Variants in TNRC6C observed in about 807,000 individuals in gnomAD.
The protein encoded by TNRC6C is trinucleotide repeat containing adaptor 6C.
TNRC6C carries 20 observed loss-of-function variants against 153.7 expected under a neutral mutation model. The observed-to-expected ratio is 0.13, with a 90% confidence interval of 0.09 to 0.19. The LOEUF (loss-of-function observed/expected upper bound fraction) is 0.19, where lower values mean the gene tolerates loss of function less well. Ranked by LOEUF, TNRC6C falls within the 10% of genes least tolerant of loss-of-function variation. The pLI is 1.00. For missense variants in TNRC6C, 1,987 were observed against 2,172.0 expected (o/e 0.91, Z 1.69); for synonymous variants, 811 against 841.4 (o/e 0.96, Z 0.63).
chr17:78,047,895 G>C (rs2072441556), intron 2 of TNRC6C, among the ~76,000 whole-genome samples: 1 of 152,084 alleles, frequency 6.6e-6, no homozygotes, highest in Non-Finnish European at 1.5e-5. Flanking sequence ...CTGCAATGTT[G>C]GAAATACTCA....
At position 78,079,279 on chromosome 17, in the gene TNRC6C, TG is replaced by T. The variant is rs2144392693; in HGVS notation, c.3211-114del. 6.9e-7 allele frequency: 1 copy of T among 1,446,940 alleles called. No homozygotes were observed. 89.6% of individuals were successfully genotyped at this position (1,446,940 alleles called of 1,614,324 possible). On this transcript the variant is annotated intron_variant, in intron 9 of 19. Coordinates refer to ENST00000301624, the Ensembl canonical transcript of TNRC6C. The surrounding 1 kb of genome is among the most constrained non-coding windows in gnomAD (Gnocchi z 4.3). ...AATTCTCTTGGGTACAAGTTGACAG[TG>T]GTAGGAAGTAGAAACAATTTTGCAT...
chr17:77,976,954 A>G (rs975535428), intron 1 of TNRC6C, among the ~76,000 whole-genome samples: 3 of 147,878 alleles, frequency 2.0e-5, no homozygotes, highest in Non-Finnish European at 4.5e-5. Context: ...AAAAAAAAAA[A>G]AAAAAACTTG....
intron 1 of TNRC6C, among the ~76,000 whole-genome samples, chr17:77,965,047 C>T (rs912930860): frequency 1.3e-5 from 2 of 152,190 alleles, no homozygotes; most frequent in African/African-American, 4.8e-5. Flanking sequence ...TAAAACTAAT[C>T]TGAGCATTTA....
intron 3 of TNRC6C, among the ~76,000 whole-genome samples, chr17:78,055,743 G>A (rs1260561416): frequency 6.6e-6 from 1 of 152,120 alleles, no homozygotes; most frequent in East Asian, 1.9e-4. Flanking sequence ...AATAAATGTG[G>A]TCTGGCCATG....
At chr17:77,989,349 G>A (rs773600164) in intron 1 of TNRC6C, among the ~76,000 whole-genome samples, 22 of 152,268 alleles carry the variant, frequency 1.4e-4, no homozygotes, top group Non-Finnish European at 2.8e-4. Context: ...ATTTACTTAA[G>A]CTTAGAACCT....
chr17:78,082,943 C>T, intron 10 of TNRC6C, 104 bp from the exon 13 acceptor site: 1 of 1,401,962 alleles, frequency 7.1e-7, no homozygotes, highest in South Asian at 1.3e-5. Context: ...GGGGGTCTCC[C>T]TACAAATTAT....
chr17:78,015,039 A>T (rs1028961315), intron 1 of TNRC6C, among the ~76,000 whole-genome samples: 1 of 152,224 alleles, frequency 6.6e-6, no homozygotes, highest in Admixed American at 6.5e-5. Flanking sequence ...ACAAGAGAAT[A>T]GTTCTCTTAC....
chr17:78,070,867 G>T (rs1026908348), intron 5 of TNRC6C, among the ~76,000 whole-genome samples: 1 of 152,116 alleles, frequency 6.6e-6, no homozygotes, highest in African/African-American at 2.4e-5. Flanking sequence ...TTCATAAATT[G>T]CACATATATA....
At chr17:78,008,624 C>T (rs1393003645) in intron 1 of TNRC6C, 3 of 152,176 alleles carry the variant, frequency 2.0e-5, no homozygotes, top group Non-Finnish European at 4.4e-5. Flanking sequence ...TGACATCCTG[C>T]ACTCCTAAGG....
chr17:77,975,503 T>C (rs2070986192), intron 1 of TNRC6C, among the ~76,000 whole-genome samples: 1 of 152,188 alleles, frequency 6.6e-6, no homozygotes. Flanking sequence ...AGACCTCCCT[T>C]ATAATTTTGC....
In TNRC6C at chr17:78,049,553, C is replaced by T. The variant is rs549370238; in HGVS notation, c.491C>T (p.Thr164Met). The T allele has an allele frequency of 1.2e-5, 19 of 1,614,002 alleles. No homozygotes were observed. Among genetic ancestry groups the T allele is most frequent in the Admixed American group, 3.3e-5 (2 of 60,028 alleles). The change falls in exon 3 of 20, where the codon ACG becomes ATG. Residue 164 changes from threonine (T) to methionine (M), a missense_variant. Around this residue, in one of 4 missense-constraint regions of TNRC6C, gnomAD observed 1,052 missense variants for 1,017.0 expected, o/e 1.03. Coordinates refer to ENST00000301624, the Ensembl canonical transcript of TNRC6C. This position sits in a 1 kb window ranked among gnomAD's most constrained non-coding sequence, Gnocchi z 4.1. ...CCACAAGAGAGCACAGAACCACAAA[C>T]GTCCACTTCTCAGAATGTGTCTTTC...
intron 2 of TNRC6C, among the ~76,000 whole-genome samples, chr17:78,037,656 C>T (rs932278913): frequency 1.3e-5 from 2 of 152,034 alleles, no homozygotes; most frequent in East Asian, 1.9e-4. Flanking sequence ...CTCATTGTGG[C>T]GGGGGGCAGT....
At chr17:78,062,680 A>G (rs896010592) in intron 3 of TNRC6C, among the ~76,000 whole-genome samples, 1 of 152,242 alleles carries the variant, frequency 6.6e-6, no homozygotes, top group African/African-American at 2.4e-5. Flanking sequence ...AAATTGACCT[A>G]TGCAATATAA....
Position 78,075,356 on chromosome 17 carries a change from G to C in TNRC6C, c.3060+78G>C. ...CATTTCAACTGTGTCCTTAATACAA[G>C]CCAGATTAAAAACTTGCTGGACTAT... On this transcript the variant is annotated intron_variant, in intron 8 of 19. Coordinates refer to ENST00000301624, the Ensembl canonical transcript of TNRC6C. The surrounding 1 kb of genome is among the most constrained non-coding windows in gnomAD (Gnocchi z 4.2). 1 of 1,485,328 alleles carries C rather than the reference G, an allele frequency of 6.7e-7. No individual in the cohort carries two copies. The highest frequency in any genetic ancestry group is 9.0e-7 in the Non-Finnish European group (1 of 1,107,348). 92.0% of individuals were successfully genotyped at this position (1,485,328 alleles called of 1,614,324 possible).
At chr17:78,074,529 A>G (rs1191932254) in intron 7 of TNRC6C, among the ~76,000 whole-genome samples, 8 of 152,230 alleles carry the variant, frequency 5.3e-5, no homozygotes, top group Non-Finnish European at 1.2e-4. Context: ...CTAACTGTGG[A>G]GTAGGACAGA....
Position 78,075,456 on chromosome 17 carries a change from C to T in TNRC6C, c.3060+178C>T. 1.4e-6 allele frequency: 1 copy of T among 721,464 alleles called. No individual in the cohort carries two copies. Among genetic ancestry groups the T allele is most frequent in the African/African-American group, 1.8e-5 (1 of 56,256 alleles). The allele number at this position is 721,464 out of a possible 1,614,324, so 44.7% of individuals were successfully genotyped here. A position where few individuals can be genotyped will look rare whatever the true frequency, so the allele number is the denominator to read the frequency against. Reference sequence around the variant, plus strand: ...ACTCAAAGAAGGGAATGTCGTATTTCATAAGATGTTACTGAGAATGAAAAA... The same window carrying T: ...ACTCAAAGAAGGGAATGTCGTATTTTATAAGATGTTACTGAGAATGAAAAA... On this transcript the variant is annotated intron_variant, in intron 8 of 19. Coordinates refer to ENST00000301624, the Ensembl canonical transcript of TNRC6C. This position sits in a 1 kb window ranked among gnomAD's most constrained non-coding sequence, Gnocchi z 4.2.
intron 1 of TNRC6C, among the ~76,000 whole-genome samples, chr17:78,030,556 C>A (rs946520922): frequency 7.9e-5 from 12 of 152,166 alleles, no homozygotes; most frequent in African/African-American, 2.7e-4. Context: ...CCATTATAAT[C>A]TTACGGAACC....
intron 1 of TNRC6C, among the ~76,000 whole-genome samples, chr17:78,012,879 C>T (rs1234321712): frequency 1.3e-5 from 2 of 152,130 alleles, no homozygotes; most frequent in Non-Finnish European, 2.9e-5. Flanking sequence ...ATCTTTTCAT[C>T]AAATATTTGC....
Position 78,103,580 on chromosome 17 carries a change from G to A in TNRC6C, c.4712+27G>A, listed in dbSNP as rs768950171. ...TATGTTTTCTCACAGCCACCTCAGCGCTCCAAGTAGCTCCCCATCCCCCAG... is the reference window on the plus strand; with the variant it reads ...TATGTTTTCTCACAGCCACCTCAGCACTCCAAGTAGCTCCCCATCCCCCAG... On this transcript the variant is annotated intron_variant, in intron 19 of 19. Transcript: ENST00000301624. The A allele has an allele frequency of 1.2e-5, 19 of 1,612,784 alleles. No individual in the cohort carries two copies. In the African/African-American group the frequency reaches 1.2e-4, roughly 10 times the overall value.
Sources: gnomAD v4.1 joint callset for allele counts (sites outside exome capture counted in the v4.1 genomes callset) on GRCh38, gnomAD v4.1.1 for gene constraint, gnomAD v4.1.1 regional missense constraint, Gnocchi (gnomAD v3.1) non-coding constraint, MANE v1.5 for transcripts, NCBI Gene and HGNC (gene_info 2026-07-23, HGNC 2026-07-21) for gene names.